The following KCND2 variants were observed in gnomAD, a reference collection of about 807,000 sequenced individuals.
The protein encoded by KCND2 is potassium voltage-gated channel subfamily D member 2, also known as A-type voltage-gated potassium channel KCND2.
In KCND2, 16 loss-of-function variants were observed where a neutral mutation model predicts 54.4. The ratio of observed to expected loss-of-function variants is 0.29; its 90% confidence interval spans 0.20 to 0.45. The LOEUF (loss-of-function observed/expected upper bound fraction) is 0.45. KCND2 is among the 20% of genes least tolerant of loss of function. The probability of loss-of-function intolerance (pLI) is 1.00; values close to 1 mark genes in which losing one functional copy is unlikely to be tolerated. For missense variants in KCND2, 486 were observed against 824.2 expected, an observed-to-expected ratio of 0.59 and a Z score of 5.02; for synonymous variants, 317 against 310.7, an observed-to-expected ratio of 1.02 and a Z score of -0.21.
chr7:120,289,472 C>T (rs1799404007), intron 1 of KCND2, among the ~76,000 whole-genome samples: 1 of 152,016 alleles, frequency 6.6e-6, no homozygotes, highest in Non-Finnish European at 1.5e-5. Flanking sequence ...AGAACATGGT[C>T]TGAGAAGCAA....
At chr7:120,303,047 T>C (rs545749586) in intron 1 of KCND2, among the ~76,000 whole-genome samples, 1 of 152,318 alleles carries the variant, frequency 6.6e-6, no homozygotes, top group East Asian at 1.9e-4. Flanking sequence ...TGTACTACAT[T>C]ATACAATTCA....
intron 1 of KCND2, among the ~76,000 whole-genome samples, chr7:120,555,248 T>C (rs977127287): frequency 6.6e-6 from 1 of 152,176 alleles, no homozygotes; most frequent in Non-Finnish European, 1.5e-5. Context: ...GGGGTGATTG[T>C]AACAGTGAAT....
intron 1 of KCND2, among the ~76,000 whole-genome samples, chr7:120,702,956 C>T (rs1171696269): frequency 1.3e-5 from 2 of 152,026 alleles, no homozygotes; most frequent in Non-Finnish European, 2.9e-5. Flanking sequence ...AATCAGTTGC[C>T]TGGGAAGTAG....
At position 120,382,336 on chromosome 7, in the gene KCND2, T is replaced by C. The variant is rs115473541; in HGVS notation, c.1115+106589T>C. Among the ~76,000 whole-genome samples, 1,267 of 152,014 alleles carry C rather than the reference T, an allele frequency of 8.3e-3. 15 individuals carry two copies. Among genetic ancestry groups the C allele is most frequent in the African/African-American group, 0.029 (1,199 of 41,552 alleles). The stretch of plus-strand genomic sequence containing the variant: ...TTATAGGGCATAGATGTCTATGTTC[T>C]GAACAAGAATATGGTAAATTACGCT... On this transcript the variant is annotated intron_variant, in intron 1 of 5. Coordinates refer to ENST00000331113, the MANE Select transcript of KCND2 (RefSeq NM_012281.3).
At chr7:120,740,338 A>T (rs1341971292) in intron 2 of KCND2, among the ~76,000 whole-genome samples, 2 of 152,076 alleles carry the variant, frequency 1.3e-5, no homozygotes, top group African/African-American at 2.4e-5. Context: ...AGATAATTTT[A>T]AAATTTTTAT....
intron 1 of KCND2, among the ~76,000 whole-genome samples, chr7:120,396,593 C>T (rs1455662818): frequency 1.3e-5 from 2 of 151,830 alleles, no homozygotes; most frequent in East Asian, 3.9e-4. Flanking sequence ...TTTCTACTAA[C>T]GTTGGAAAAC....
At chr7:120,432,851 T>C (rs2116168823) in intron 1 of KCND2, among the ~76,000 whole-genome samples, 1 of 152,258 alleles carries the variant, frequency 6.6e-6, no homozygotes, top group Admixed American at 6.5e-5. Context: ...TTTCAGTGTG[T>C]CTCCTGCCTT....
chr7:120,496,327 G>T (rs772968473), intron 1 of KCND2, among the ~76,000 whole-genome samples: 6 of 152,068 alleles, frequency 3.9e-5, no homozygotes, highest in Non-Finnish European at 5.9e-5. Flanking sequence ...GGAGTCAGAT[G>T]AGAAGGCCAC....
At chr7:120,522,843 C>T (rs1791715605) in intron 1 of KCND2, among the ~76,000 whole-genome samples, 1 of 152,160 alleles carries the variant, frequency 6.6e-6, no homozygotes, top group African/African-American at 2.4e-5. Context: ...AAGTGAATCT[C>T]TGTAAAGTGC....
intron 3 of KCND2, among the ~76,000 whole-genome samples, chr7:120,741,882 G>A (rs1271787170): frequency 1.3e-5 from 2 of 151,798 alleles, no homozygotes; most frequent in African/African-American, 4.8e-5. Flanking sequence ...TTTCTACACT[G>A]TCTCTTATTA....
chr7:120,352,459 TACACACAC>T (rs199700951), intron 1 of KCND2, among the ~76,000 whole-genome samples: 3,223 of 148,132 alleles, frequency 0.022, 53 homozygotes, highest in African/African-American at 0.033. Context: ...CACACATACA[TACACACAC>T]ACACACACAC....
chr7:120,734,581 T>C (rs937205920), intron 2 of KCND2, among the ~76,000 whole-genome samples: 1 of 152,078 alleles, frequency 6.6e-6, no homozygotes, highest in Non-Finnish European at 1.5e-5. Flanking sequence ...TTAGCATACT[T>C]CCCTTCCCCA....
At chr7:120,709,049 C>A (rs1413798310) in intron 1 of KCND2, among the ~76,000 whole-genome samples, 4 of 152,122 alleles carry the variant, frequency 2.6e-5, no homozygotes, top group East Asian at 1.9e-4. Context: ...TTGAAATTAA[C>A]CACCATGTTA....
chr7:120,369,019 T>G (rs1800726323), intron 1 of KCND2, among the ~76,000 whole-genome samples: 1 of 152,092 alleles, frequency 6.6e-6, no homozygotes, highest in African/African-American at 2.4e-5. Flanking sequence ...CAGAGTTTGT[T>G]AATGGTTGTT....
At chr7:120,455,991 AT>A (rs1802194211) in intron 1 of KCND2, among the ~76,000 whole-genome samples, 1 of 152,166 alleles carries the variant, frequency 6.6e-6, no homozygotes, top group South Asian at 2.1e-4. Context: ...AGCACTTAGC[AT>A]GGGGTCTGTA....
chr7:120,511,174 A>G (rs1394702034), intron 1 of KCND2, among the ~76,000 whole-genome samples: 1 of 151,612 alleles, frequency 6.6e-6, no homozygotes, highest in East Asian at 1.9e-4. Flanking sequence ...AATCTGGAGA[A>G]CTCCATGGTT....
At chr7:120,549,822 T>C (rs1792085054) in intron 1 of KCND2, among the ~76,000 whole-genome samples, 1 of 152,182 alleles carries the variant, frequency 6.6e-6, no homozygotes, top group Admixed American at 6.5e-5. Context: ...GAAAATATCA[T>C]CTTAGTATGC....
At chr7:120,387,940 A>C (rs983925453) in intron 1 of KCND2, among the ~76,000 whole-genome samples, 1 of 152,170 alleles carries the variant, frequency 6.6e-6, no homozygotes, top group African/African-American at 2.4e-5. Flanking sequence ...TAATCAAAGG[A>C]AGATTCTTAG....
chr7:120,732,878 T>C, intron 1 of KCND2, 25 bp from the exon 2 acceptor site: 1 of 1,589,710 alleles, frequency 6.3e-7, no homozygotes, highest in Middle Eastern at 1.7e-4. Context: ...TAAAACAATA[T>C]ATATATATTT....
Sources: gnomAD v4.1 joint callset for allele counts (sites outside exome capture counted in the v4.1 genomes callset) on GRCh38, gnomAD v4.1.1 for gene constraint, MANE v1.5 for transcripts, NCBI Gene and HGNC (gene_info 2026-07-23, HGNC 2026-07-21) for gene names.